ADAM8: variants seen among roughly 807,000 people sequenced by gnomAD.
ADAM8 encodes disintegrin and metalloproteinase domain-containing protein 8.
In ADAM8, 104 loss-of-function variants were observed where a neutral mutation model predicts 102.4. The ratio of observed to expected loss-of-function variants is 1.02; its 90% CI spans 0.87 to 1.20. ADAM8 has a LOEUF of 1.20. ADAM8 is among the 50% of genes most tolerant of loss of function. The probability of loss-of-function intolerance (pLI) is 0.00; values close to 1 mark genes in which losing one functional copy is unlikely to be tolerated. For missense variants in ADAM8, 1,132 were observed against 1,159.0 expected (o/e 0.98, Z 0.34); for synonymous variants, 517 against 485.2 (o/e 1.07, Z -0.86).
intron 1 of ADAM8, among the ~76,000 whole-genome samples, chr10:133,276,211 C>T (rs1360723200): frequency 2.0e-5 from 3 of 152,182 alleles, no homozygotes; most frequent in Non-Finnish European, 4.4e-5. Context: ...AGCAGCCAGC[C>T]CCTATCTGCC....
intron 5 of ADAM8, 32 bp downstream of exon 5, chr10:133,273,730 C>T (rs1364138766): frequency 1.8e-5 from 28 of 1,542,846 alleles, no homozygotes; most frequent in South Asian, 1.3e-4. Flanking sequence ...TCTCCACCTG[C>T]GGGAGCCCTG....
At position 133,268,098 on chromosome 10, in the gene ADAM8, G is replaced by A; in HGVS notation, c.2084C>T (p.Thr695Ile). Residue 695 changes from threonine (T) to isoleucine (I), a missense_variant, in exon 20 of 23, where the codon ACA (threonine) becomes ATA (isoleucine). By Grantham distance (89) the Thr-to-Ile change is moderately conservative. Transcript: ENST00000445355. Reference sequence around the variant, plus strand: ...GAACAGGGGGTTGGAGCGCCCCATTGTGGTCTTGGGAGCCACGTTCCTGGG... The same window carrying A: ...GAACAGGGGGTTGGAGCGCCCCATTATGGTCTTGGGAGCCACGTTCCTGGG... ...ILSRNVAPKT[T>I]MGRSNPLFHQ... The A allele has an allele frequency of 1.6e-6, 2 of 1,273,564 alleles. No individual in the cohort carries two copies. The highest frequency in any genetic ancestry group is 3.6e-5 in the Admixed American group (1 of 27,488). The allele number at this position is 1,273,564 out of a possible 1,614,324, so 78.9% of individuals were successfully genotyped here. A position where few individuals can be genotyped will look rare whatever the true frequency, so the allele number is the denominator to read the frequency against.
intron 16 of ADAM8, among the ~76,000 whole-genome samples, 166 bp downstream of exon 16, chr10:133,270,194 G>A (rs1846472215): frequency 6.6e-6 from 1 of 152,246 alleles, no homozygotes; most frequent in Non-Finnish European, 1.5e-5. Context: ...TGAGAACCAT[G>A]TCTCTCCCCA....
intron 5 of ADAM8, 100 bp from the exon 6 acceptor site, chr10:133,273,543 C>T (rs1846630051): frequency 2.2e-6 from 3 of 1,382,318 alleles, no homozygotes; most frequent in East Asian, 5.0e-5. Flanking sequence ...GCTCCCCCTA[C>T]CCTGCCACCA....
chr10:133,267,414 G>C lies in ADAM8; in HGVS notation c.2257C>G (p.Pro753Ala), dbSNP rs1012655949. 2.5e-6 allele frequency: 4 copies of C among 1,608,266 alleles called. No individual in the cohort carries two copies. The African/African-American group carries it at 4.0e-5, about 16-fold the overall frequency. The change falls in exon 21 of 23, where the codon CCG becomes GCG. Residue 753 changes from proline (P) to alanine (A), a missense_variant. Transcript: ENST00000445355. ...VALKRPPPAPPVTVSSPPFPV... is the reference protein window; with the variant it reads ...VALKRPPPAPAVTVSSPPFPV... ...AAGGGTGGGCTGGACACAGTGACCG[G>C]AGGCTGGAGGAGACAGGGCCGAGAG...
At position 133,274,139 on chromosome 10, in the gene ADAM8, C is replaced by T. The variant is rs1182042852; in HGVS notation, c.227+20G>A. The T allele has an allele frequency of 1.3e-6, 2 of 1,581,344 alleles. No homozygotes were observed. Among genetic ancestry groups the T allele is most frequent in the Non-Finnish European group, 1.7e-6 (2 of 1,163,516 alleles). Reference sequence around the variant, plus strand: ...CTGGAGCCAGGCCCGGGCAGGGGGGCCGACCCGAGACCCACTCACCTGTTC... The same window carrying T: ...CTGGAGCCAGGCCCGGGCAGGGGGGTCGACCCGAGACCCACTCACCTGTTC... On this transcript the variant is annotated intron_variant, in intron 3 of 22. Coordinates refer to ENST00000445355, the MANE Select transcript of ADAM8 (RefSeq NM_001109.5).
rs1389555237 is a variant in ADAM8, at chr10:133,272,585, G to A, written c.706C>T (p.Leu236=). The A allele has an allele frequency of 6.2e-7, 1 of 1,606,922 alleles. No homozygotes were observed. The stretch of plus-strand genomic sequence containing the variant: ...ACACGGAAGTTGAGTTTCTGATATA[G>A]CTGGAGAGGTGGTGGAGTCCTGGGG... ...VLEVVNHVDK[L]YQKLNFRVVL... is the part of the protein sequence containing the mutation. Residue 236 remains leucine, a splice_region_variant and synonymous_variant, in exon 9 of 23, where the codon CTA becomes TTA. Transcript: ENST00000445355.
chr10:133,274,630 C>G (rs1243779733), intron 2 of ADAM8, among the ~76,000 whole-genome samples: 1 of 152,074 alleles, frequency 6.6e-6, no homozygotes, highest in Non-Finnish European at 1.5e-5. Flanking sequence ...CCCCATCTGA[C>G]CACGCATGGG....
intron 13 of ADAM8, 25 bp from the exon 14 acceptor site, chr10:133,271,095 C>T: frequency 6.2e-7 from 1 of 1,603,954 alleles, no homozygotes; most frequent in Non-Finnish European, 8.5e-7. Context: ...AACAGCTCAC[C>T]ATGGGGACAG....
At chr10:133,267,871 C>G in intron 20 of ADAM8, 58 bp downstream of exon 20, 1 of 1,254,124 alleles carries the variant, frequency 8.0e-7, no homozygotes, top group African/African-American at 1.6e-5. Context: ...CTTGGGGTCG[C>G]AGGATGGGGC....
chr10:133,274,057 G>C (rs763443965), intron 3 of ADAM8, 28 bp from the exon 4 acceptor site: 2 of 1,595,704 alleles, frequency 1.3e-6, no homozygotes, highest in South Asian at 2.3e-5. Flanking sequence ...TGACTGCCTC[G>C]GCCCCCTCGG....
rs764099953 is a variant in ADAM8 at position 133,272,570 on chromosome 10, T to G, written c.721A>C (p.Asn241His). 1.2e-5 allele frequency: 19 copies of G among 1,609,950 alleles called. No individual in the cohort carries two copies. In the Admixed American group the frequency reaches 3.2e-4, roughly 27 times the overall value. ...NHVDKLYQKLNFRVVLVGLEI... is the reference protein window; with the variant it reads ...NHVDKLYQKLHFRVVLVGLEI... ...AGGCCCACCAGGACCACACGGAAGT[T>G]GAGTTTCTGATATAGCTGGAGAGGT... The change falls in exon 9 of 23, where the codon AAC (asparagine) becomes CAC (histidine). Residue 241 changes from asparagine (N) to histidine (H), a missense_variant. Physicochemically the swap from Asn to His is moderately conservative, Grantham distance 68. Transcript: ENST00000445355.
chr10:133,267,284 G>T, intron 21 of ADAM8, 68 bp downstream of exon 21: 2 of 1,515,452 alleles, frequency 1.3e-6, no homozygotes, highest in Non-Finnish European at 1.8e-6. Context: ...GCAGTGCACA[G>T]ACCCCAATCC....
chr10:133,276,589 C>A (rs1846762337), intron 1 of ADAM8, among the ~76,000 whole-genome samples, 183 bp downstream of exon 1: 2 of 152,228 alleles, frequency 1.3e-5, no homozygotes, highest in South Asian at 4.1e-4. Context: ...CCGGCCTCCC[C>A]GGCCCGGGGC....
At chr10:133,265,065 C>G (rs376921636) in intron 21 of ADAM8, among the ~76,000 whole-genome samples, 1 of 143,812 alleles carries the variant, frequency 7.0e-6, no homozygotes, top group East Asian at 2.1e-4. Flanking sequence ...ACCTCCACGC[C>G]CAGCTCCTGC....
Position 133,271,643 on chromosome 10 carries a change from C to T in ADAM8, c.1169G>A (p.Arg390Gln), listed in dbSNP as rs371368002. Residue 390 changes from arginine to glutamine, a missense_variant, in exon 12 of 23, where the codon CGG (arginine) becomes CAG (glutamine). Physicochemically the swap from Arg to Gln is conservative, Grantham distance 43. Transcript: ENST00000445355. ...SQAYLESFLERPQSVCLANAP... is the reference protein window; with the variant it reads ...SQAYLESFLEQPQSVCLANAP... ...GTTGGCGAGGCACACCGACTGCGGC[C>T]GCTCCAAAAAGCTCTCCAGGTAGGC... 3.9e-5 allele frequency: 60 copies of T among 1,556,526 alleles called. No individual in the cohort carries two copies. The African/African-American group carries it at 5.0e-4, about 13-fold the overall frequency.
chr10:133,275,539 A>T lies in ADAM8; in HGVS notation c.95T>A (p.Val32Glu). The T allele has an allele frequency of 1.3e-6, 2 of 1,517,016 alleles. No individual in the cohort carries two copies. Among genetic ancestry groups the T allele is most frequent in the Non-Finnish European group, 1.8e-6 (2 of 1,134,268 alleles). The allele number at this position is 1,517,016 out of a possible 1,614,324, so 94.0% of individuals were successfully genotyped here. A position where few individuals can be genotyped will look rare whatever the true frequency, so the allele number is the denominator to read the frequency against. ...GGGGCCTGGCAGACGCCACGGCAAC[A>T]CGACCTCATACTGCTCCATGAGGGC... ...PWALMEQYEV[V>E]LPWRLPGPRV... Residue 32 changes from valine to glutamate, a missense_variant, in exon 2 of 23, where the codon GTG becomes GAG. Transcript: ENST00000445355.
At chr10:133,270,308 C>A (rs885023) in intron 16 of ADAM8, 52 bp downstream of exon 16, 1,253,028 of 1,545,572 alleles carry the variant, frequency 0.81, 512,986 homozygotes, top group East Asian at 0.92. Context: ...CCACGTGGGG[C>A]ACATGCCCGG....
rs571706376 is a variant in ADAM8 at position 133,263,669 on chromosome 10, G to A, written c.2397+19C>T. On this transcript the variant is annotated intron_variant, in intron 22 of 22. Transcript: ENST00000445355. ...TCCATTGCACAGTGGACTCTGCCTG[G>A]TGTGTGCTGGGGCCTCACCTCAGCT... 218 of 632,936 alleles carry A rather than the reference G, an allele frequency of 3.4e-4. 1 individual carries two copies. Among genetic ancestry groups the A allele is most frequent in the Admixed American group, 1.2e-3 (16 of 12,992 alleles). 39.2% of individuals were successfully genotyped at this position (632,936 alleles called of 1,614,324 possible). A position where few individuals can be genotyped will look rare whatever the true frequency, so the allele number is the denominator to read the frequency against.
Sources: allele counts gnomAD v4.1 joint callset (sites outside exome capture counted in the v4.1 genomes callset), GRCh38; gene constraint gnomAD v4.1.1; transcripts MANE v1.5; gene names NCBI Gene and HGNC (gene_info 2026-07-23, HGNC 2026-07-21).